Variants in ACOXL observed in about 807,000 individuals in gnomAD.
ACOXL encodes the protein acyl-CoA oxidase like.
ACOXL carries 70 observed loss-of-function variants against 71.9 expected under a neutral mutation model. That is an observed-to-expected ratio of 0.97 (90% CI 0.80 to 1.19). The LOEUF (loss-of-function observed/expected upper bound fraction) is 1.19. ACOXL is among the 50% of genes most tolerant of loss of function. The pLI is 0.00. For synonymous variants in ACOXL, 253 were observed against 281.6 expected (o/e 0.90, Z 1.02); for missense variants, 703 against 736.3 (o/e 0.95, Z 0.52).
chr2:110,750,155 CA>C (rs1473235295), intron 1 of ACOXL, among the ~76,000 whole-genome samples: 6 of 152,218 alleles, frequency 3.9e-5, no homozygotes, highest in African/African-American at 1.4e-4. Flanking sequence ...ATCTGTCCAA[CA>C]TTCAAGTTGG....
chr2:110,894,331 C>T (rs1448513767), intron 10 of ACOXL, among the ~76,000 whole-genome samples: 1 of 120,818 alleles, frequency 8.3e-6, no homozygotes. Flanking sequence ...TAGGAACAGA[C>T]CAAAAAAAAA....
At chr2:111,029,765 A>G (rs2065180412) in intron 14 of ACOXL, among the ~76,000 whole-genome samples, 1 of 152,206 alleles carries the variant, frequency 6.6e-6, no homozygotes, top group African/African-American at 2.4e-5. Flanking sequence ...ATGTCCTGCA[A>G]CAGCACCAAG....
At chr2:111,042,357 C>T (rs1574577209) in intron 15 of ACOXL, among the ~76,000 whole-genome samples, 1 of 152,250 alleles carries the variant, frequency 6.6e-6, no homozygotes, top group South Asian at 2.1e-4. Flanking sequence ...GTGAACACAG[C>T]GCCCACACAC....
At chr2:110,955,409 AC>A (rs2061461455) in intron 12 of ACOXL, among the ~76,000 whole-genome samples, 1 of 129,716 alleles carries the variant, frequency 7.7e-6, no homozygotes, top group Non-Finnish European at 1.6e-5. Flanking sequence ...TCCATCCCCC[AC>A]CCCCAGCTAG....
At chr2:110,906,551 A>G (rs1436691650) in intron 10 of ACOXL, among the ~76,000 whole-genome samples, 1 of 151,008 alleles carries the variant, frequency 6.6e-6, no homozygotes, top group Non-Finnish European at 1.5e-5. Flanking sequence ...AAAAAAAAAA[A>G]AAAAATTGTA....
intron 16 of ACOXL, among the ~76,000 whole-genome samples, chr2:111,074,104 G>C (rs1455062312): frequency 6.7e-6 from 1 of 150,114 alleles, no homozygotes; most frequent in Admixed American, 6.6e-5. Context: ...CCTGTAACCT[G>C]CTAAGCTCGT....
Position 110,904,963 on chromosome 2 carries a change from T to G in ACOXL, c.789-3826T>G, listed in dbSNP as rs570486393. The stretch of plus-strand genomic sequence containing the variant: ...ATTCATTTGCATATGAAAAATGCAC[T>G]CAAAGGGAGTCGTTTGCTGTCTTCA... On this transcript the variant is annotated intron_variant, in intron 10 of 17. Coordinates refer to ENST00000439055, the MANE Select transcript of ACOXL (RefSeq NM_001142807.4). 3.3e-5 allele frequency among the ~76,000 whole-genome samples: 5 copies of G among 152,130 alleles called. No individual in the cohort carries two copies. In the South Asian group the frequency reaches 1.0e-3, roughly 32 times the overall value.
At chr2:110,939,337 CAAAATT>C (rs1368427543) in intron 12 of ACOXL, among the ~76,000 whole-genome samples, 1 of 152,130 alleles carries the variant, frequency 6.6e-6, no homozygotes, top group Non-Finnish European at 1.5e-5. Context: ...AAATATATCC[CAAAATT>C]ATACTTCTCA....
chr2:110,831,083 G>A lies in ACOXL; in HGVS notation c.754-10288G>A, dbSNP rs184026873. On this transcript the variant is annotated intron_variant, in intron 9 of 17. Transcript: ENST00000439055. ...CCCCCTACAACTGGGAACAAGGCAA[G>A]GATGTCTGCTGTCATCATTCTTAAT... is the stretch of plus-strand genomic sequence containing the variant. 1.3e-3 allele frequency among the ~76,000 whole-genome samples: 193 copies of A among 152,256 alleles called. 1 individual carries two copies. Among genetic ancestry groups the A allele is most frequent in the Admixed American group, 3.5e-3 (54 of 15,292 alleles).
intron 12 of ACOXL, chr2:110,968,330 C>T: frequency 8.4e-7 from 1 of 1,186,232 alleles, no homozygotes; most frequent in Non-Finnish European, 1.2e-6. Flanking sequence ...CTGAAGGGAG[C>T]TGTGGCTGGA....
At chr2:111,015,259 T>G (rs1311889520) in intron 14 of ACOXL, among the ~76,000 whole-genome samples, 1 of 152,146 alleles carries the variant, frequency 6.6e-6, no homozygotes, top group Non-Finnish European at 1.5e-5. Flanking sequence ...AAAGAATACC[T>G]ACAATGCAAT....
chr2:110,808,578 T>C (rs185569274), intron 9 of ACOXL, among the ~76,000 whole-genome samples: 138 of 152,270 alleles, frequency 9.1e-4, no homozygotes, highest in African/African-American at 3.2e-3. Context: ...ACCCCCTCTC[T>C]CCACTGGGCC....
At chr2:110,846,322 G>C (rs1691827691) in intron 10 of ACOXL, among the ~76,000 whole-genome samples, 1 of 152,060 alleles carries the variant, frequency 6.6e-6, no homozygotes, top group Non-Finnish European at 1.5e-5. Flanking sequence ...TGGGAGGATG[G>C]GTTCACTCTT....
intron 2 of ACOXL, among the ~76,000 whole-genome samples, chr2:110,782,120 T>A (rs915750303): frequency 6.6e-6 from 1 of 152,248 alleles, no homozygotes; most frequent in African/African-American, 2.4e-5. Flanking sequence ...ACTACAAACT[T>A]ACATGCTACT....
chr2:110,746,070 G>T (rs1262131283), intron 1 of ACOXL, among the ~76,000 whole-genome samples: 1 of 152,080 alleles, frequency 6.6e-6, no homozygotes, highest in Admixed American at 6.5e-5. Flanking sequence ...GTCAAGGCTG[G>T]CAAGATTTAT....
chr2:111,092,258 T>TAA (rs1429531798), intron 16 of ACOXL, among the ~76,000 whole-genome samples: 13 of 152,204 alleles, frequency 8.5e-5, no homozygotes, highest in Non-Finnish European at 1.9e-4. Flanking sequence ...TATCGAGAGT[T>TAA]ACGTGAATAA....
intron 12 of ACOXL, among the ~76,000 whole-genome samples, chr2:110,951,477 A>G (rs2061332444): frequency 6.6e-6 from 1 of 152,206 alleles, no homozygotes. Flanking sequence ...TTCCAATGCC[A>G]TGGTTAATTA....
chr2:110,743,821 C>G (rs1165209236), intron 1 of ACOXL, among the ~76,000 whole-genome samples: 1 of 152,232 alleles, frequency 6.6e-6, no homozygotes, highest in Non-Finnish European at 1.5e-5. Flanking sequence ...GATTTCTATT[C>G]TTGTGAATGT....
chr2:111,104,277 ATAAAT>A (rs1159264203), intron 17 of ACOXL, among the ~76,000 whole-genome samples: 5 of 152,242 alleles, frequency 3.3e-5, no homozygotes, highest in African/African-American at 1.2e-4. Context: ...TAGGAATAGA[ATAAAT>A]AAAATAAATT....
Sources: allele counts gnomAD v4.1 joint callset (sites outside exome capture counted in the v4.1 genomes callset), GRCh38; gene constraint gnomAD v4.1.1; transcripts MANE v1.5; gene names NCBI Gene and HGNC (gene_info 2026-07-23, HGNC 2026-07-21).